The following GIGYF1 variants were observed in gnomAD, a reference collection of about 807,000 sequenced individuals.
GIGYF1 encodes GRB10 interacting GYF protein 1.
GIGYF1 carries 84 observed loss-of-function variants against 147.1 expected under a neutral mutation model. The ratio of observed to expected loss-of-function variants is 0.57; its 90% CI spans 0.48 to 0.68. The LOEUF is 0.68. Ranked by LOEUF, GIGYF1 falls within the 30% of genes least tolerant of loss-of-function variation. The pLI, the probability that GIGYF1 is intolerant of heterozygous loss-of-function variation, is 0.00. For synonymous variants in GIGYF1, 752 were observed against 589.5 expected, an observed-to-expected ratio of 1.28 and a Z score of -3.99; for missense variants, 1,485 against 1,393.7, an observed-to-expected ratio of 1.07 and a Z score of -1.04.
At chr7:100,693,335 G>C (rs1805973012) in intron 1 of GIGYF1, among the ~76,000 whole-genome samples, 1 of 151,992 alleles carries the variant, frequency 6.6e-6, no homozygotes, top group Non-Finnish European at 1.5e-5. Flanking sequence ...GAGAGCTGTG[G>C]CCAGGGAGCT....
chr7:100,686,216 G>A lies in GIGYF1; in HGVS notation c.912C>T (p.Gly304=), dbSNP rs1805323632. The A allele has an allele frequency of 1.2e-6, 2 of 1,613,480 alleles. No individual in the cohort carries two copies. The highest frequency in any genetic ancestry group is 1.1e-5 in the South Asian group (1 of 91,038). The change falls in exon 11 of 27, where the codon GGC becomes GGT. Residue 304 remains glycine (G), a synonymous_variant. Transcript: ENST00000678049. ...AGAAGGCCCCAGAGGCATCAAAGGTGCCCATTTCTTCATCCTCATCGTCCA... is the reference window on the plus strand; with the variant it reads ...AGAAGGCCCCAGAGGCATCAAAGGTACCCATTTCTTCATCCTCATCGTCCA... The part of the protein sequence containing the change: ...WCLDDEDEEM[G]TFDASGAFLP...
intron 1 of GIGYF1, among the ~76,000 whole-genome samples, chr7:100,692,532 C>G (rs181247464): frequency 1.7e-4 from 26 of 152,344 alleles, no homozygotes; most frequent in Non-Finnish European, 2.1e-4. Flanking sequence ...CTTTCAACAT[C>G]CTTCATCTAG....
At chr7:100,691,256 C>T (rs1805802172) in intron 1 of GIGYF1, among the ~76,000 whole-genome samples, 2 of 152,200 alleles carry the variant, frequency 1.3e-5, no homozygotes, top group South Asian at 4.1e-4. Context: ...GTGCACAGGG[C>T]AGCCCCACAG....
rs768416746 is a variant in GIGYF1 at position 100,681,919 on chromosome 7, C to T, written c.3000G>A (p.Glu1000=). Residue 1000 remains glutamate, a synonymous_variant, in exon 26 of 27, where the codon GAG becomes GAA. Coordinates refer to ENST00000678049, the MANE Select transcript of GIGYF1 (RefSeq NM_001375765.1). ...GTGCCCGCCTCTTGGCCTTGCTGCC[C>T]TCCCCGGGGCCGAGTTTGGTGCTGT... The part of the protein sequence containing the change: ...ANHSTKLGPG[E]GSKAKRRALM... 21 of 1,610,782 alleles carry T rather than the reference C, an allele frequency of 1.3e-5. No individual in the cohort carries two copies. In the African/African-American group the frequency reaches 1.5e-4, roughly 11 times the overall value.
rs776607414 is a variant in GIGYF1, at chr7:100,684,352, G to A, written c.1630-15C>T. 6 of 1,594,020 alleles carry A rather than the reference G, an allele frequency of 3.8e-6. No homozygotes were observed. In the South Asian group the frequency reaches 4.5e-5, roughly 12 times the overall value. Reference sequence around the variant, plus strand: ...TCCATGTTTCCCTGCTCAGGTGAGAGCTCGGCCAGTGCCCCCAGCAGGGAG... The same window carrying A: ...TCCATGTTTCCCTGCTCAGGTGAGAACTCGGCCAGTGCCCCCAGCAGGGAG... On this transcript the variant is annotated splice_polypyrimidine_tract_variant and intron_variant, in intron 16 of 26. Coordinates refer to ENST00000678049, the MANE Select transcript of GIGYF1 (RefSeq NM_001375765.1).
chr7:100,685,195 G>A (rs771980527), intron 13 of GIGYF1, 49 bp from the exon 14 acceptor site: 1 of 1,523,178 alleles, frequency 6.6e-7, no homozygotes, highest in Admixed American at 1.9e-5. Context: ...GAGGAGACAA[G>A]ATAGCTTTCG....
At chr7:100,693,808 A>AGG (rs1243042546) in intron 1 of GIGYF1, 1 of 150,940 alleles carries the variant, frequency 6.6e-6, no homozygotes, top group Non-Finnish European at 1.5e-5. Flanking sequence ...GCCAGGTGCG[A>AGG]GGGGGGCGAG....
In GIGYF1 at chr7:100,686,421, C is replaced by CG; in HGVS notation, c.706dup (p.Arg236ProfsTer16). Reference sequence around the variant, plus strand: ...CCCATGTTCCCGCCAGCCAGCAGAGCGGGGACCACCATCTGCACAGGAAAA... The same window carrying CG: ...CCCATGTTCCCGCCAGCCAGCAGAGCGGGGGACCACCATCTGCACAGGAAAA... On this transcript the variant is annotated frameshift_variant, in exon 11 of 27. Transcript: ENST00000678049. LOFTEE classifies it high-confidence loss of function. The CG allele has an allele frequency of 6.3e-7, 1 of 1,598,542 alleles. No homozygotes were observed. The highest frequency in any genetic ancestry group is 8.5e-7 in the Non-Finnish European group (1 of 1,172,900).
At position 100,680,587 on chromosome 7, in the gene GIGYF1, G is replaced by C. The variant is rs560370698; in HGVS notation, c.*1132C>G. On this transcript the variant is annotated 3_prime_UTR_variant, in exon 27 of 27. Transcript: ENST00000678049. ...TCCCATTTGGTCAGCGGAAGGGTCA[G>C]GTGCAGAGCTGGGTGGTCCACATCT... 1.3e-5 allele frequency: 2 copies of C among 152,636 alleles called. No individual in the cohort carries two copies. The highest frequency in any genetic ancestry group is 2.9e-5 in the Non-Finnish European group (2 of 68,092). The allele number at this position is 152,636 out of a possible 1,614,324, so 9.5% of individuals were successfully genotyped here.
At chr7:100,688,179 G>C (rs373475933) in intron 4 of GIGYF1, 25 bp downstream of exon 4, 1 of 1,611,384 alleles carries the variant, frequency 6.2e-7, no homozygotes, top group South Asian at 1.1e-5. Context: ...GAATCTCCAC[G>C]GCAGCCGAGG....
chr7:100,687,274 C>A, intron 8 of GIGYF1, 24 bp downstream of exon 8: 1 of 1,601,212 alleles, frequency 6.2e-7, no homozygotes. Context: ...CCCGGCTCTG[C>A]GCCATGCCCC....
chr7:100,680,176 A>C lies in GIGYF1; in HGVS notation c.*1543T>G, dbSNP rs1804594012. 1 of 151,736 alleles carries C rather than the reference A, an allele frequency of 6.6e-6. No homozygotes were observed. The highest frequency in any genetic ancestry group is 1.5e-5 in the Non-Finnish European group (1 of 67,834). The allele number at this position is 151,736 out of a possible 1,614,324, so 9.4% of individuals were successfully genotyped here. A position where few individuals can be genotyped will look rare whatever the true frequency, so the allele number is the denominator to read the frequency against. On this transcript the variant is annotated 3_prime_UTR_variant, in exon 27 of 27. Transcript: ENST00000678049. Reference sequence around the variant, plus strand: ...TTGCCACTTTGGTGCAAAAAAAAAAAAAAAAAAAAAAAAATCCAACAACAG... The same window carrying C: ...TTGCCACTTTGGTGCAAAAAAAAAACAAAAAAAAAAAAAATCCAACAACAG...
intron 1 of GIGYF1, among the ~76,000 whole-genome samples, chr7:100,693,059 C>T (rs909586270): frequency 5.3e-5 from 8 of 151,876 alleles, no homozygotes; most frequent in African/African-American, 1.9e-4. Context: ...AGGCAGTGCA[C>T]AAGAGGGTGG....
chr7:100,687,817 C>A lies in GIGYF1; in HGVS notation c.232G>T (p.Ala78Ser). The part of the protein sequence containing the change: ...VLQDEPLQPL[A>S]LEPLTEEEQR... ...TCCTCCTCAGTCAGCGGCTCCAGAG[C>A]CAGGGGCTGCAGTGGCTCGTCCTGC... The change falls in exon 6 of 27, where the codon GCT becomes TCT. Residue 78 changes from alanine (A) to serine (S), a missense_variant. Transcript: ENST00000678049. The A allele has an allele frequency of 6.2e-7, 1 of 1,613,060 alleles. No individual in the cohort carries two copies. Among genetic ancestry groups the A allele is most frequent in the South Asian group, 1.1e-5 (1 of 91,068 alleles).
At chr7:100,685,533 C>T (rs369669304) in intron 12 of GIGYF1, 52 bp from the exon 13 acceptor site, 225 of 1,575,456 alleles carry the variant, frequency 1.4e-4, no homozygotes, top group Non-Finnish European at 1.8e-4. Flanking sequence ...GCCTGCCACG[C>T]GAGTTAGCAC....
chr7:100,684,108 G>A lies in GIGYF1; in HGVS notation c.1780C>T (p.Leu594=). ...GGCGGCGGCGGTGGTGGCGGTGTCA[G>A]GTCCCCCAGAGCTGCCTTTTCTCGG... ...ALREKAALGD[L]TPPPPPPPQQ... Residue 594 remains leucine (L), a synonymous_variant, in exon 18 of 27, where the codon CTG becomes TTG. Transcript: ENST00000678049. The A allele has an allele frequency of 1.9e-6, 3 of 1,607,944 alleles. No homozygotes were observed. The highest frequency in any genetic ancestry group is 2.5e-6 in the Non-Finnish European group (3 of 1,179,696).
intron 21 of GIGYF1, 30 bp downstream of exon 21, chr7:100,683,274 C>T: frequency 6.2e-7 from 1 of 1,613,546 alleles, no homozygotes; most frequent in South Asian, 1.1e-5. Context: ...GGGTTGTCCA[C>T]CCAGCCAGCT....
chr7:100,682,004 G>A lies in GIGYF1; in HGVS notation c.2926-11C>T, dbSNP rs946486103. The A allele has an allele frequency of 9.9e-6, 16 of 1,609,576 alleles. No individual in the cohort carries two copies. Among genetic ancestry groups the A allele is most frequent in the East Asian group, 2.2e-5 (1 of 44,870 alleles). ...GCTCAGCCATGCCTCCTAAGGCAGC[G>A]GAGAGGAGGGTGAAGGTCAGGAGGC... On this transcript the variant is annotated splice_polypyrimidine_tract_variant and intron_variant, in intron 25 of 26. Transcript: ENST00000678049.
chr7:100,685,402 G>T lies in GIGYF1; in HGVS notation c.1134C>A (p.Leu378=), dbSNP rs139769261. 6 of 1,589,506 alleles carry T rather than the reference G, an allele frequency of 3.8e-6. No individual in the cohort carries two copies. The highest frequency in any genetic ancestry group is 5.1e-6 in the Non-Finnish European group (6 of 1,174,140). Residue 378 remains leucine (L), a synonymous_variant, in exon 13 of 27, where the codon CTC becomes CTA. Transcript: ENST00000678049. ...SPSPLPTLGP[L]WGTNGDGDET... ...CGTCCCCATCCCCGTTTGTCCCCCA[G>T]AGTGGGCCCAGGGTGGGCAGTGGGG...
Sources: gnomAD v4.1 joint callset for allele counts (sites outside exome capture counted in the v4.1 genomes callset) on GRCh38, gnomAD v4.1.1 for gene constraint, MANE v1.5 for transcripts, NCBI Gene and HGNC (gene_info 2026-07-23, HGNC 2026-07-21) for gene names.